The following RNLS variants were observed in gnomAD, a reference collection of about 807,000 sequenced individuals.
RNLS encodes renalase, FAD dependent amine oxidase.
A neutral mutation model predicts 39.8 loss-of-function variants in RNLS; 39 were observed. The observed-to-expected ratio is 0.98, with a 90% CI of 0.76 to 1.28. The LOEUF is 1.28. Among genes scored for constraint, RNLS ranks in the 50% most tolerant of loss-of-function variants. RNLS has a pLI of 0.00. For synonymous variants in RNLS, 147 were observed against 150.7 expected (o/e 0.98, Z 0.18); for missense variants, 410 against 413.3 (o/e 0.99, Z 0.07).
intron 5 of RNLS, among the ~76,000 whole-genome samples, chr10:88,356,255 A>G (rs1849173724): frequency 6.6e-6 from 1 of 152,134 alleles, no homozygotes; most frequent in South Asian, 2.1e-4. Context: ...CCCCAGTGAG[A>G]TGAACCCGGT....
chr10:88,286,268 A>G (rs1412422567), intron 6 of RNLS, among the ~76,000 whole-genome samples: 1 of 152,100 alleles, frequency 6.6e-6, no homozygotes, highest in East Asian at 1.9e-4. Context: ...TTAAAATTTC[A>G]CAACCTTGTC....
downstream of RNLS, among the ~76,000 whole-genome samples, chr10:88,271,648 C>G (rs1443108317): frequency 6.6e-6 from 1 of 152,168 alleles, no homozygotes; most frequent in African/African-American, 2.4e-5. Context: ...TTCAGCTTGT[C>G]TTATGTGGGT....
chr10:88,326,968 A>C (rs1471564614), intron 5 of RNLS, among the ~76,000 whole-genome samples: 1 of 152,110 alleles, frequency 6.6e-6, no homozygotes, highest in Non-Finnish European at 1.5e-5. Flanking sequence ...TGGGTTTTAG[A>C]CTTGCATGGG....
chr10:88,427,068 C>A (rs1430494911), intron 4 of RNLS, among the ~76,000 whole-genome samples: 1 of 151,952 alleles, frequency 6.6e-6, no homozygotes, highest in Non-Finnish European at 1.5e-5. Context: ...CCCACAGGTA[C>A]CATTATTACC....
At chr10:88,264,485 A>C in the RNLS span, among the ~76,000 whole-genome samples, 1 of 149,282 alleles carries the variant, frequency 6.7e-6, no homozygotes, top group Admixed American at 6.7e-5. Flanking sequence ...AACATCTATT[A>C]TTTTTTGATT....
intron 5 of RNLS, among the ~76,000 whole-genome samples, chr10:88,320,815 C>T (rs1846132363): frequency 6.8e-6 from 1 of 147,776 alleles, no homozygotes; most frequent in South Asian, 2.2e-4. Flanking sequence ...TACTACTAGA[C>T]CTAAAGAGAA....
intron 4 of RNLS, among the ~76,000 whole-genome samples, chr10:88,428,741 T>C (rs770957942): frequency 6.6e-6 from 1 of 151,970 alleles, no homozygotes; most frequent in Non-Finnish European, 1.5e-5. Flanking sequence ...TTCATCTATT[T>C]AGACAACATC....
downstream of RNLS, among the ~76,000 whole-genome samples, chr10:88,282,610 G>A (rs1400271487): frequency 6.6e-6 from 1 of 151,916 alleles, no homozygotes. Context: ...GGCGGGGGGT[G>A]GGGACCATGG....
intron 4 of RNLS, among the ~76,000 whole-genome samples, chr10:88,505,079 C>G (rs1845714489): frequency 6.6e-6 from 1 of 151,514 alleles, no homozygotes; most frequent in Admixed American, 6.6e-5. Flanking sequence ...CAACAAGAAC[C>G]CCAAAAACCC....
At chr10:88,301,126 C>G (rs747509683) in intron 6 of RNLS, among the ~76,000 whole-genome samples, 3 of 151,868 alleles carry the variant, frequency 2.0e-5, no homozygotes, top group Non-Finnish European at 2.9e-5. Context: ...AGAGTAAGTC[C>G]CAAGAGTATA....
chr10:88,480,828 C>T (rs1408877729), intron 4 of RNLS, among the ~76,000 whole-genome samples: 1 of 131,958 alleles, frequency 7.6e-6, no homozygotes, highest in Non-Finnish European at 1.6e-5. Context: ...TGTATGTGTT[C>T]TATTACAAAT....
chr10:88,414,456 A>G (rs1853892239), intron 4 of RNLS, among the ~76,000 whole-genome samples: 1 of 152,190 alleles, frequency 6.6e-6, no homozygotes, highest in Non-Finnish European at 1.5e-5. Context: ...CTCTTATCAG[A>G]TTCTTGAAGA....
At chr10:88,309,586 C>A in intron 6 of RNLS, 1 of 579,332 alleles carries the variant, frequency 1.7e-6, no homozygotes, top group South Asian at 1.5e-5. Context: ...CTGGAAAAGG[C>A]CTGAAGGAGC....
chr10:88,445,405 A>T (rs111933641), intron 4 of RNLS, among the ~76,000 whole-genome samples: 2 of 152,358 alleles, frequency 1.3e-5, no homozygotes, highest in African/African-American at 4.8e-5. Flanking sequence ...AAGAAACTGC[A>T]AGTAACGAGC....
At chr10:88,445,893 T>C (rs954354038) in intron 4 of RNLS, among the ~76,000 whole-genome samples, 23 of 152,234 alleles carry the variant, frequency 1.5e-4, no homozygotes, top group Admixed American at 1.4e-3. Flanking sequence ...CTGTCAACAT[T>C]AGACAGATCA....
At chr10:88,551,696 A>G (rs1848611937) in intron 4 of RNLS, among the ~76,000 whole-genome samples, 1 of 149,958 alleles carries the variant, frequency 6.7e-6, no homozygotes, top group South Asian at 2.1e-4. Context: ...AAAAAAAAAG[A>G]AGAAGAACAC....
At chr10:88,535,292 G>C (rs930738476) in intron 4 of RNLS, among the ~76,000 whole-genome samples, 5 of 152,148 alleles carry the variant, frequency 3.3e-5, no homozygotes, top group Non-Finnish European at 5.9e-5. Context: ...AGTATGTGTG[G>C]TGAGAGGAGG....
At chr10:88,493,205 A>T (rs1010098728) in intron 4 of RNLS, among the ~76,000 whole-genome samples, 1 of 152,166 alleles carries the variant, frequency 6.6e-6, no homozygotes, top group Non-Finnish European at 1.5e-5. Context: ...TTTAAAATGG[A>T]TAATAAATGA....
Position 88,515,038 on chromosome 10 carries a change from G to A in RNLS, c.526+57865C>T, listed in dbSNP as rs527490076. ...AGTTTCTGCATATGTTCACCAATAC[G>A]TGCTTTTTTAAATAATGGCTACATT... On this transcript the variant is annotated intron_variant, in intron 4 of 6. Coordinates refer to ENST00000331772, the MANE Select transcript of RNLS (RefSeq NM_001031709.3). Among the ~76,000 whole-genome samples, 124 of 151,396 alleles carry A rather than the reference G, an allele frequency of 8.2e-4. 1 individual carries two copies. Among genetic ancestry groups the A allele is most frequent in the South Asian group, 6.1e-3 (29 of 4,780 alleles).
Sources: allele counts gnomAD v4.1 joint callset (sites outside exome capture counted in the v4.1 genomes callset), GRCh38; gene constraint gnomAD v4.1.1; transcripts MANE v1.5; gene names NCBI Gene and HGNC (gene_info 2026-07-23, HGNC 2026-07-21).